The following SEMA6D variants were observed in gnomAD, a reference collection of about 807,000 sequenced individuals.
SEMA6D encodes semaphorin-6D.
SEMA6D carries 35 observed loss-of-function variants against 106.6 expected under a neutral mutation model. That is an observed-to-expected ratio of 0.33 (90% CI 0.25 to 0.44). The LOEUF (loss-of-function observed/expected upper bound fraction) is 0.44. Among genes scored for constraint, SEMA6D ranks in the 20% least tolerant of loss-of-function variants. The pLI is 1.00. For missense variants in SEMA6D, 1,185 were observed against 1,345.9 expected (o/e 0.88, Z 1.87); for synonymous variants, 499 against 487.7 (o/e 1.02, Z -0.31).
At chr15:47,663,375 A>G (rs1368903591) in intron 4 of SEMA6D, among the ~76,000 whole-genome samples, 7 of 152,208 alleles carry the variant, frequency 4.6e-5, no homozygotes, top group Non-Finnish European at 7.3e-5. Context: ...TCCTGACTCA[A>G]TTCAGTGTCA....
chr15:47,580,035 A>G (rs2076228319), intron 3 of SEMA6D, among the ~76,000 whole-genome samples: 1 of 152,200 alleles, frequency 6.6e-6, no homozygotes, highest in Non-Finnish European at 1.5e-5. Flanking sequence ...TTTCTCTGAA[A>G]TTTAAACAAT....
At chr15:47,243,304 A>T (rs531229459) in intron 1 of SEMA6D, among the ~76,000 whole-genome samples, 1 of 152,184 alleles carries the variant, frequency 6.6e-6, no homozygotes, top group African/African-American at 2.4e-5. Flanking sequence ...CAACCCATGA[A>T]CTGGTTATTT....
intron 2 of SEMA6D, among the ~76,000 whole-genome samples, chr15:47,448,393 C>T (rs73407042): frequency 1.8e-3 from 272 of 152,126 alleles, no homozygotes; most frequent in African/African-American, 6.2e-3. Flanking sequence ...ATTTGTGGCA[C>T]GGCCTCAGTC....
At chr15:47,648,016 C>T (rs1216427387) in intron 4 of SEMA6D, among the ~76,000 whole-genome samples, 1 of 152,138 alleles carries the variant, frequency 6.6e-6, no homozygotes, top group Non-Finnish European at 1.5e-5. Context: ...TGTAAACTTA[C>T]TTGAGGATAC....
chr15:47,550,146 G>A (rs2045640069), intron 3 of SEMA6D, among the ~76,000 whole-genome samples: 1 of 152,190 alleles, frequency 6.6e-6, no homozygotes, highest in Non-Finnish European at 1.5e-5. Context: ...AAAATTGAAA[G>A]AGTGAGCAAA....
At chr15:47,739,686 AG>A (rs1484670765) in intron 1 of SEMA6D, among the ~76,000 whole-genome samples, 6 of 152,308 alleles carry the variant, frequency 3.9e-5, no homozygotes, top group Non-Finnish European at 8.8e-5. Context: ...TACTAGGAAA[AG>A]GGAAATTATT....
At chr15:47,375,770 A>G (rs1355273003) in intron 1 of SEMA6D, among the ~76,000 whole-genome samples, 1 of 152,212 alleles carries the variant, frequency 6.6e-6, no homozygotes, top group East Asian at 1.9e-4. Flanking sequence ...TTCCACTAAT[A>G]AATTGTGTAG....
intron 2 of SEMA6D, among the ~76,000 whole-genome samples, chr15:47,432,787 A>G (rs2041581333): frequency 6.6e-6 from 1 of 152,154 alleles, no homozygotes; most frequent in South Asian, 2.1e-4. Context: ...ATCACTTAGG[A>G]GAACCACTGT....
At chr15:47,368,899 A>G (rs1157894098) in intron 1 of SEMA6D, among the ~76,000 whole-genome samples, 1 of 152,210 alleles carries the variant, frequency 6.6e-6, no homozygotes, top group Non-Finnish European at 1.5e-5. Flanking sequence ...TGATCCCTTT[A>G]GAACCTCAAG....
intron 2 of SEMA6D, among the ~76,000 whole-genome samples, chr15:47,420,897 A>C (rs1482259156): frequency 6.6e-6 from 1 of 152,116 alleles, no homozygotes; most frequent in Non-Finnish European, 1.5e-5. Flanking sequence ...GTACATATGA[A>C]GTAGATAAGA....
At chr15:47,564,567 G>A (rs747883305) in intron 3 of SEMA6D, among the ~76,000 whole-genome samples, 2 of 152,076 alleles carry the variant, frequency 1.3e-5, no homozygotes, top group Admixed American at 6.6e-5. Flanking sequence ...CCCACTTAAT[G>A]AGAATATCCA....
intron 4 of SEMA6D, among the ~76,000 whole-genome samples, chr15:47,614,762 C>T (rs995556321): frequency 1.3e-5 from 2 of 152,216 alleles, no homozygotes; most frequent in African/African-American, 4.8e-5. Flanking sequence ...GCTTAGGAGT[C>T]AGACCCTTCT....
At chr15:47,192,864 A>G (rs183797083) in intron 1 of SEMA6D, among the ~76,000 whole-genome samples, 1 of 152,334 alleles carries the variant, frequency 6.6e-6, no homozygotes. Flanking sequence ...AAAAATCACA[A>G]TAGAGAAAAA....
chr15:47,472,066 G>T (rs973753848), intron 3 of SEMA6D, among the ~76,000 whole-genome samples: 1 of 152,072 alleles, frequency 6.6e-6, no homozygotes, highest in Non-Finnish European at 1.5e-5. Flanking sequence ...TCCTTGGAAA[G>T]CAAGGTTAAG....
chr15:47,297,827 G>A (rs985241688), intron 1 of SEMA6D, among the ~76,000 whole-genome samples: 1 of 152,068 alleles, frequency 6.6e-6, no homozygotes, highest in Admixed American at 6.6e-5. Context: ...CAAGGAGCCG[G>A]GGATGGGGCA....
intron 4 of SEMA6D, among the ~76,000 whole-genome samples, chr15:47,607,906 A>C (rs2076815381): frequency 6.6e-6 from 1 of 152,214 alleles, no homozygotes; most frequent in Non-Finnish European, 1.5e-5. Flanking sequence ...GCTTCTGCCA[A>C]ACATTTCTTT....
intron 1 of SEMA6D, among the ~76,000 whole-genome samples, chr15:47,402,865 A>G (rs2040442092): frequency 6.6e-6 from 1 of 152,116 alleles, no homozygotes; most frequent in Non-Finnish European, 1.5e-5. Flanking sequence ...CATTGAATCA[A>G]GGACAAGCCA....
chr15:47,396,114 A>T (rs1431840372), intron 1 of SEMA6D, among the ~76,000 whole-genome samples: 1 of 152,116 alleles, frequency 6.6e-6, no homozygotes, highest in Non-Finnish European at 1.5e-5. Context: ...GCAAGCCAGG[A>T]GGAGAGCCCT....
At chr15:47,233,740 G>A (rs1405601695) in intron 1 of SEMA6D, among the ~76,000 whole-genome samples, 1 of 151,956 alleles carries the variant, frequency 6.6e-6, no homozygotes, top group Non-Finnish European at 1.5e-5. Context: ...TTGTAGAAAA[G>A]TAGCTGATTT....
Sources: gnomAD v4.1 joint callset for allele counts (sites outside exome capture counted in the v4.1 genomes callset) on GRCh38, gnomAD v4.1.1 for gene constraint, MANE v1.5 for transcripts, NCBI Gene and HGNC (gene_info 2026-07-23, HGNC 2026-07-21) for gene names.